FGF14: variants seen among roughly 807,000 people sequenced by gnomAD.
FGF14 encodes fibroblast growth factor 14, also known as fibroblast growth factor homologous factor 4.
Under a neutral mutation model 25.5 loss-of-function variants are expected in FGF14, and 5 were observed. The observed-to-expected ratio is 0.20, with a 90% CI of 0.10 to 0.41. The LOEUF (loss-of-function observed/expected upper bound fraction) is 0.41. FGF14 is among the 10% of genes least tolerant of loss of function. The pLI, the probability that FGF14 is intolerant of heterozygous loss-of-function variation, is 1.00. For missense variants in FGF14, 222 were observed against 320.1 expected (o/e 0.69, Z 2.34); for synonymous variants, 138 against 118.3 (o/e 1.17, Z -1.08).
intron 1 of FGF14, among the ~76,000 whole-genome samples, chr13:102,317,925 A>C (rs1227230268): frequency 6.6e-6 from 1 of 152,206 alleles, no homozygotes; most frequent in Non-Finnish European, 1.5e-5. Flanking sequence ...TCCAGCTCAG[A>C]TAAATCCTCC....
Position 101,714,626 on chromosome 13 carries a change from C to CTTTA in FGF14, c.*8201_*8204dup. On this transcript the variant is annotated 3_prime_UTR_variant, in exon 5 of 5. Transcript: ENST00000376143. ...GCCAAGAGACACTCGTCATGCAATG[C>CTTTA]TTTAGGTGGCTGGACCAACAGGGCC... is the stretch of plus-strand genomic sequence containing the variant. The CTTTA allele has an allele frequency of 1.1e-6, 1 of 905,112 alleles. No individual in the cohort carries two copies. Among genetic ancestry groups the CTTTA allele is most frequent in the Non-Finnish European group, 1.9e-6 (1 of 540,356 alleles). The allele number at this position is 905,112 out of a possible 1,614,324, so 56.1% of individuals were successfully genotyped here.
intron 1 of FGF14, among the ~76,000 whole-genome samples, chr13:102,077,032 G>A (rs999444794): frequency 6.6e-6 from 1 of 152,130 alleles, no homozygotes; most frequent in Non-Finnish European, 1.5e-5. Flanking sequence ...AATGGGGAAT[G>A]AACAGTATTT....
intron 3 of FGF14, among the ~76,000 whole-genome samples, chr13:101,851,665 T>C (rs891683424): frequency 2.6e-5 from 4 of 152,122 alleles, no homozygotes; most frequent in African/African-American, 9.6e-5. Flanking sequence ...TAGCTCGCCT[T>C]TCTCTCCTCC....
intron 3 of FGF14, among the ~76,000 whole-genome samples, chr13:101,856,433 ATAATTT>A (rs1167200854): frequency 6.6e-6 from 1 of 151,922 alleles, no homozygotes. Context: ...ATTACTACTG[ATAATTT>A]TAATACAAAA....
chr13:102,060,443 A>G (rs533155373), intron 1 of FGF14, among the ~76,000 whole-genome samples: 9 of 152,224 alleles, frequency 5.9e-5, no homozygotes, highest in Non-Finnish European at 1.3e-4. Context: ...AGAGAATGGC[A>G]TGAACCCGGG....
intron 1 of FGF14, chr13:102,002,831 T>C (rs892530856): frequency 3.9e-5 from 6 of 152,236 alleles, no homozygotes; most frequent in African/African-American, 1.2e-4. Context: ...TGCTGCAGAA[T>C]ATTCTGCTTA....
chr13:101,977,420 T>C (rs957576368), intron 1 of FGF14, among the ~76,000 whole-genome samples: 9 of 152,234 alleles, frequency 5.9e-5, no homozygotes, highest in Non-Finnish European at 8.8e-5. Flanking sequence ...TGATCCCAAA[T>C]TGGTTTAAAG....
intron 1 of FGF14, among the ~76,000 whole-genome samples, chr13:102,388,977 A>G (rs1474780975): frequency 2.0e-5 from 3 of 152,132 alleles, no homozygotes; most frequent in African/African-American, 7.2e-5. Context: ...CTTTCACTCT[A>G]TCCATAAATA....
At chr13:101,907,895 AG>A (rs2139044861) in intron 1 of FGF14, among the ~76,000 whole-genome samples, 1 of 152,292 alleles carries the variant, frequency 6.6e-6, no homozygotes, top group South Asian at 2.1e-4. Context: ...TCTTGAACTT[AG>A]ATTACAGCAC....
intron 1 of FGF14, among the ~76,000 whole-genome samples, chr13:101,966,868 C>T (rs9585822): frequency 6.6e-6 from 1 of 152,098 alleles, no homozygotes; most frequent in African/African-American, 2.4e-5. Flanking sequence ...TGAGACAGTT[C>T]GTTATTGTTT....
At chr13:102,015,238 T>C (rs2040278196) in intron 1 of FGF14, among the ~76,000 whole-genome samples, 1 of 152,208 alleles carries the variant, frequency 6.6e-6, no homozygotes, top group African/African-American at 2.4e-5. Context: ...ATCAGCAGAA[T>C]TTATACTTTG....
intron 1 of FGF14, among the ~76,000 whole-genome samples, chr13:102,362,316 G>T (rs2057589930): frequency 6.6e-6 from 1 of 151,868 alleles, no homozygotes; most frequent in South Asian, 2.1e-4. Context: ...CCTTTTTCTG[G>T]CTCATTATTA....
rs540983971 is a variant in FGF14, at chr13:101,824,577, T to G, written c.408+44148A>C. 9.2e-5 allele frequency among the ~76,000 whole-genome samples: 14 copies of G among 152,302 alleles called. No homozygotes were observed. In the South Asian group the frequency reaches 2.7e-3, roughly 29 times the overall value. The stretch of plus-strand genomic sequence containing the variant: ...GAAGAATTGAGATATGATTTTTGAT[T>G]AAAAAATATTTGGTCTTAGTCCAGG... On this transcript the variant is annotated intron_variant, in intron 3 of 4. Transcript: ENST00000376143.
intron 3 of FGF14, among the ~76,000 whole-genome samples, chr13:101,800,802 A>T (rs1263683143): frequency 6.6e-6 from 1 of 152,168 alleles, no homozygotes; most frequent in Non-Finnish European, 1.5e-5. Context: ...TTTCACAACC[A>T]TAATCAAAAG....
At chr13:101,895,170 G>A (rs1408264709) in intron 1 of FGF14, among the ~76,000 whole-genome samples, 1 of 151,980 alleles carries the variant, frequency 6.6e-6, no homozygotes, top group African/African-American at 2.4e-5. Flanking sequence ...ATGTTAATGT[G>A]GGTATATGCT....
At chr13:101,981,647 A>AAAC (rs952648702) in intron 1 of FGF14, among the ~76,000 whole-genome samples, 40 of 91,744 alleles carry the variant, frequency 4.4e-4, no homozygotes, top group Admixed American at 1.2e-3. Flanking sequence ...CATAATTAAA[A>AAAC]AACAACAACA....
intron 3 of FGF14, among the ~76,000 whole-genome samples, chr13:101,852,980 T>C (rs942041397): frequency 5.9e-5 from 9 of 152,106 alleles, no homozygotes; most frequent in Non-Finnish European, 1.5e-5. Flanking sequence ...ATTAATAATT[T>C]CCTTGAGGGA....
intron 3 of FGF14, among the ~76,000 whole-genome samples, chr13:101,807,994 G>GT (rs1171018897): frequency 2.0e-5 from 3 of 152,014 alleles, no homozygotes; most frequent in Non-Finnish European, 4.4e-5. Context: ...TAATGCAGTG[G>GT]TTGAAAGGTT....
chr13:101,819,539 A>C (rs571032928), intron 3 of FGF14, among the ~76,000 whole-genome samples: 2 of 152,358 alleles, frequency 1.3e-5, no homozygotes, highest in South Asian at 4.1e-4. Context: ...TTAAATTACA[A>C]GTAAATAAAA....
Sources: gnomAD v4.1 joint callset for allele counts (sites outside exome capture counted in the v4.1 genomes callset) on GRCh38, gnomAD v4.1.1 for gene constraint, MANE v1.5 for transcripts, NCBI Gene and HGNC (gene_info 2026-07-23, HGNC 2026-07-21) for gene names.